Variants in NOC3L observed in about 807,000 individuals in gnomAD.
NOC3L encodes NOC3 like DNA replication regulator, also known as nucleolar complex protein 3 homolog.
NOC3L carries 85 observed loss-of-function variants against 102.5 expected under a neutral mutation model. The observed-to-expected ratio is 0.83, with a 90% CI of 0.70 to 0.99. The LOEUF is 0.99. Ranked by LOEUF, NOC3L falls within the 50% of genes least tolerant of loss-of-function variation. NOC3L has a pLI of 0.00. For synonymous variants in NOC3L, 303 were observed against 309.4 expected (o/e 0.98, Z 0.22); for missense variants, 878 against 914.9 (o/e 0.96, Z 0.52).
chr10:94,351,441 G>A (rs533507114), intron 8 of NOC3L, among the ~76,000 whole-genome samples: 5 of 152,244 alleles, frequency 3.3e-5, no homozygotes, highest in African/African-American at 1.2e-4. Flanking sequence ...CTTTTCTGAA[G>A]AGTTTAAGAG....
At chr10:94,359,287 G>A (rs529940886) in intron 2 of NOC3L, among the ~76,000 whole-genome samples, 190 of 152,192 alleles carry the variant, frequency 1.2e-3, no homozygotes, top group Non-Finnish European at 2.3e-3. Flanking sequence ...TTAGTGAGGC[G>A]TGGTGGCACA....
intron 2 of NOC3L, 66 bp downstream of exon 2, chr10:94,361,599 A>AT: frequency 1.3e-6 from 2 of 1,498,752 alleles, no homozygotes; most frequent in Non-Finnish European, 1.8e-6. Context: ...AAGCAAAGTT[A>AT]TTTCCATGAA....
chr10:94,352,324 T>C lies in NOC3L; in HGVS notation c.938A>G (p.Glu313Gly), dbSNP rs149765870. 2 of 1,605,790 alleles carry C rather than the reference T, an allele frequency of 1.2e-6. No individual in the cohort carries two copies. The highest frequency in any genetic ancestry group is 1.3e-5 in the African/African-American group (1 of 74,814). Residue 313 changes from glutamate to glycine, a missense_variant, in exon 8 of 21, where the codon GAA becomes GGA. By Grantham distance (98) the Glu-to-Gly change is moderately conservative. Transcript: ENST00000371361. ...SQYKFYLENL[E>G]QMVKDWKQRK... Reference sequence around the variant, plus strand: ...GTTTAATATACCTTTAACCATTTGTTCCAGATTTTCCAAATAAAACTTGTA... The same window carrying C: ...GTTTAATATACCTTTAACCATTTGTCCCAGATTTTCCAAATAAAACTTGTA...
the NOC3L span, chr10:94,325,596 CAAAAA>C: frequency 8.8e-6 from 1 of 113,332 alleles, no homozygotes; most frequent in Non-Finnish European, 1.9e-5. Flanking sequence ...AACTCCGTCT[CAAAAA>C]AAAAAAAAGA....
chr10:94,351,567 G>A (rs959942417), intron 8 of NOC3L, among the ~76,000 whole-genome samples: 18 of 151,914 alleles, frequency 1.2e-4, no homozygotes, highest in Non-Finnish European at 2.1e-4. Flanking sequence ...TCACTCTATC[G>A]CCCAGACTAC....
At chr10:94,355,511 C>T (rs1168800050) in intron 5 of NOC3L, among the ~76,000 whole-genome samples, 8 of 151,508 alleles carry the variant, frequency 5.3e-5, no homozygotes. Context: ...CCACCTCAGC[C>T]TCCCCAGTAG....
At chr10:94,329,867 A>G (rs1322705066), downstream of NOC3L, 2 of 150,942 alleles carry the variant, frequency 1.3e-5, no homozygotes, top group African/African-American at 2.4e-5. Flanking sequence ...CCTTAAGGCT[A>G]GAACTACCAT....
At position 94,361,851 on chromosome 10, in the gene NOC3L, G is replaced by A; in HGVS notation, c.31C>T (p.Pro11Ser). 1 of 1,611,262 alleles carries A rather than the reference G, an allele frequency of 6.2e-7. No individual in the cohort carries two copies. Among genetic ancestry groups the A allele is most frequent in the Non-Finnish European group, 8.5e-7 (1 of 1,178,860 alleles). The change falls in exon 2 of 21, where the codon CCA becomes TCA. Residue 11 changes from proline (P) to serine (S), a missense_variant. Coordinates refer to ENST00000371361, the MANE Select transcript of NOC3L (RefSeq NM_022451.11). ...GTTTTTATTAACTTGCGAAAGCTTG[G>A]GATCTGTTTTTTATTTCTTCTCTAG... is the stretch of plus-strand genomic sequence containing the variant. MKARRNKKQIPSFRKLIKTSK... is the reference protein window; with the variant it reads MKARRNKKQISSFRKLIKTSK...
rs2134000802 is a variant in NOC3L at position 94,350,142 on chromosome 10, C to G, written c.1099G>C (p.Val367Leu). The G allele has an allele frequency of 6.2e-7, 1 of 1,614,126 alleles. No individual in the cohort carries two copies. The highest frequency in any genetic ancestry group is 2.2e-5 in the East Asian group (1 of 44,874). ...NFHNNIIVLI[V>L]PLMNDMSKLI... The stretch of plus-strand genomic sequence containing the variant: ...TTTGACATGTCATTCATGAGAGGGA[C>G]AATCAATACGATGATGTTGTTGTGA... Residue 367 changes from valine (V) to leucine (L), a missense_variant, in exon 9 of 21, where the codon GTC becomes CTC. Coordinates refer to ENST00000371361, the MANE Select transcript of NOC3L (RefSeq NM_022451.11).
chr10:94,356,683 A>G, intron 4 of NOC3L, 92 bp from the exon 5 acceptor site: 1 of 775,270 alleles, frequency 1.3e-6, no homozygotes, highest in Non-Finnish European at 2.2e-6. Flanking sequence ...GATAAAACTC[A>G]GGATAGCAGT....
intron 19 of NOC3L, among the ~76,000 whole-genome samples, chr10:94,337,527 A>G (rs2054234279): frequency 6.7e-6 from 1 of 149,818 alleles, no homozygotes; most frequent in Non-Finnish European, 1.5e-5. Flanking sequence ...TGTATGTGCG[A>G]AACTTTTCAC....
At chr10:94,346,313 C>A in intron 11 of NOC3L, 112 bp downstream of exon 11, 1 of 793,240 alleles carries the variant, frequency 1.3e-6, no homozygotes, top group Non-Finnish European at 1.8e-6. Context: ...TGATGTATTT[C>A]AAAACTTTTA....
At chr10:94,316,745 A>C in the NOC3L span, 3 of 1,613,126 alleles carry the variant, frequency 1.9e-6, no homozygotes, top group South Asian at 2.2e-5. Flanking sequence ...TGTCTTAAAA[A>C]CCCAGCAGGA....
chr10:94,315,897 G>A, the NOC3L span, among the ~76,000 whole-genome samples: 1 of 151,736 alleles, frequency 6.6e-6, no homozygotes, highest in Non-Finnish European at 1.5e-5. Flanking sequence ...CCATTGTGTA[G>A]ATCGGAAAAC....
the NOC3L span, chr10:94,325,101 C>A: frequency 6.2e-7 from 1 of 1,607,894 alleles, no homozygotes; most frequent in Non-Finnish European, 8.5e-7. Flanking sequence ...CATGTTTAAC[C>A]CAGGTATAGT....
At chr10:94,344,591 C>A in intron 12 of NOC3L, 76 bp from the exon 13 acceptor site, 1 of 1,027,920 alleles carries the variant, frequency 9.7e-7, no homozygotes, top group South Asian at 1.5e-5. Context: ...AGTATCACTT[C>A]AACAGGTTAA....
chr10:94,322,182 AGT>A, the NOC3L span: 1 of 903,268 alleles, frequency 1.1e-6, no homozygotes, highest in Non-Finnish European at 1.8e-6. Context: ...CTCAAAGGGG[AGT>A]GTGTGCCTCT....
intron 19 of NOC3L, 75 bp downstream of exon 19, chr10:94,337,702 T>C (rs1453744087): frequency 1.0e-6 from 1 of 970,508 alleles, no homozygotes; most frequent in East Asian, 2.5e-5. Flanking sequence ...TGTTACTTTA[T>C]GAAACAGTCT....
At chr10:94,344,687 T>A (rs1421608044) in intron 12 of NOC3L, among the ~76,000 whole-genome samples, 166 bp downstream of exon 12, 1 of 152,164 alleles carries the variant, frequency 6.6e-6, no homozygotes, top group Admixed American at 6.5e-5. Context: ...TGTGACTGCA[T>A]AAAACTAGCA....
Sources: gnomAD v4.1 joint callset for allele counts (sites outside exome capture counted in the v4.1 genomes callset) on GRCh38, gnomAD v4.1.1 for gene constraint, MANE v1.5 for transcripts, NCBI Gene and HGNC (gene_info 2026-07-23, HGNC 2026-07-21) for gene names.